RGS21: variants seen among roughly 807,000 people sequenced by gnomAD.
RGS21 encodes regulator of G protein signaling 21, also known as regulator of G-protein signalling 21.
In RGS21, 19 loss-of-function variants were observed where a neutral mutation model predicts 18.7. That is an observed-to-expected ratio of 1.01 (90% CI 0.71 to 1.49). The LOEUF (loss-of-function observed/expected upper bound fraction) is 1.49. Ranked by LOEUF, RGS21 falls within the 40% of genes most tolerant of loss-of-function variation. The pLI is 0.00. For synonymous variants in RGS21, 56 were observed against 57.8 expected, an observed-to-expected ratio of 0.97 and a Z score of 0.14; for missense variants, 194 against 176.8, an observed-to-expected ratio of 1.10 and a Z score of -0.55.
intron 1 of RGS21, among the ~76,000 whole-genome samples, chr1:192,317,344 G>T (rs536766321): frequency 6.6e-6 from 1 of 151,692 alleles, no homozygotes; most frequent in South Asian, 2.1e-4. Flanking sequence ...CTTCAAATTT[G>T]TAAAAAAGAT....
At chr1:192,331,553 A>ATAAG (rs1455383353) in intron 1 of RGS21, among the ~76,000 whole-genome samples, 1 of 145,048 alleles carries the variant, frequency 6.9e-6, no homozygotes, top group Non-Finnish European at 1.5e-5. Flanking sequence ...CTCTAAATAA[A>ATAAG]TAAATAAATA....
At chr1:192,319,589 A>G (rs61822890) in intron 1 of RGS21, among the ~76,000 whole-genome samples, 3,930 of 152,194 alleles carry the variant, frequency 0.026, 68 homozygotes, top group Middle Eastern at 0.071. Context: ...GACACTGGTT[A>G]ATTAAAAAAA....
At chr1:192,317,192 C>A (rs1250245620) in intron 1 of RGS21, 87 bp downstream of exon 1, 2 of 151,856 alleles carry the variant, frequency 1.3e-5, no homozygotes, top group African/African-American at 4.8e-5. Context: ...AAAATGCCAA[C>A]TATTAGATTC....
intron 1 of RGS21, among the ~76,000 whole-genome samples, chr1:192,336,005 T>C (rs1240431272): frequency 6.6e-6 from 1 of 152,234 alleles, no homozygotes; most frequent in Non-Finnish European, 1.5e-5. Context: ...AGTATATTTG[T>C]TGTAATAGCA....
In RGS21 at chr1:192,345,514, A is replaced by C. The variant is rs541183886; in HGVS notation, c.12-1799A>C. Among the ~76,000 whole-genome samples, 8 of 152,206 alleles carry C rather than the reference A, an allele frequency of 5.3e-5. 1 individual carries two copies. The South Asian group carries it at 8.3e-4, about 16-fold the overall frequency. On this transcript the variant is annotated intron_variant, in intron 2 of 4. Transcript: ENST00000417209. Reference sequence around the variant, plus strand: ...TTTGTTAATATGTTCAATATTTCATAGACCAGGCACACTGTTCTTGGTGCT... The same window carrying C: ...TTTGTTAATATGTTCAATATTTCATCGACCAGGCACACTGTTCTTGGTGCT...
In RGS21 at chr1:192,366,073, G is replaced by A. The variant is rs1282769381; in HGVS notation, c.408G>A (p.Leu136=). 6.2e-7 allele frequency: 1 copy of A among 1,611,620 alleles called. No homozygotes were observed. The highest frequency in any genetic ancestry group is 1.1e-5 in the South Asian group (1 of 90,768). Residue 136 remains leucine, a synonymous_variant, in exon 5 of 5, where the codon CTG becomes CTA. Coordinates refer to ENST00000417209, the MANE Select transcript of RGS21 (RefSeq NM_001039152.3). ...TGAAGTCAGAGATTTATAAAAAACT[G>A]GTAAATAGCCAACAGGTTCCAAATC... ...RFLKSEIYKK[L]VNSQQVPNHK... is the part of the protein sequence containing the mutation.
rs368568068 is a variant in RGS21, at chr1:192,332,211, AAAG to A, written c.-60-10763_-60-10761del. On this transcript the variant is annotated intron_variant, in intron 1 of 4. Coordinates refer to ENST00000417209, the MANE Select transcript of RGS21 (RefSeq NM_001039152.3). ...AGATAAATCAACTCAGTAAATGAAA[AAAG>A]AACCATGCAAAGGAACAGAATCAAA... Among the ~76,000 whole-genome samples the A allele has an allele frequency of 1.8e-4, 27 of 152,304 alleles. No homozygotes were observed. In the East Asian group the frequency reaches 2.5e-3, roughly 14 times the overall value.
At chr1:192,336,261 C>T (rs1171674573) in intron 1 of RGS21, among the ~76,000 whole-genome samples, 3 of 152,062 alleles carry the variant, frequency 2.0e-5, no homozygotes, top group South Asian at 2.1e-4. Context: ...TCGAGACCAG[C>T]CTAGCCAACA....
chr1:192,327,319 A>G (rs1658581903), intron 1 of RGS21, among the ~76,000 whole-genome samples: 1 of 152,126 alleles, frequency 6.6e-6, no homozygotes, highest in Non-Finnish European at 1.5e-5. Context: ...AAGAAGTGAC[A>G]ACAAAATATT....
intron 1 of RGS21, among the ~76,000 whole-genome samples, chr1:192,338,974 C>T (rs1038141615): frequency 6.6e-6 from 1 of 151,960 alleles, no homozygotes; most frequent in Non-Finnish European, 1.5e-5. Context: ...AGTTATGCAA[C>T]CCTAAGCAAG....
intron 1 of RGS21, among the ~76,000 whole-genome samples, chr1:192,326,540 A>T (rs76544216): frequency 1.3e-5 from 2 of 152,136 alleles, no homozygotes; most frequent in Non-Finnish European, 2.9e-5. Context: ...TGTTTGTCAT[A>T]TTGCTTAATC....
At chr1:192,322,646 C>T (rs1056983251) in intron 1 of RGS21, among the ~76,000 whole-genome samples, 5 of 152,070 alleles carry the variant, frequency 3.3e-5, no homozygotes, top group African/African-American at 1.2e-4. Context: ...ACGCCAGACA[C>T]TTCCAGCCAG....
At chr1:192,328,429 T>G (rs144420741) in intron 1 of RGS21, among the ~76,000 whole-genome samples, 158 of 152,306 alleles carry the variant, frequency 1.0e-3, no homozygotes, top group African/African-American at 3.6e-3. Flanking sequence ...ATTAATAATT[T>G]GTCTCTATGG....
At position 192,319,879 on chromosome 1, in the gene RGS21, C is replaced by T. The variant is rs76643290; in HGVS notation, c.-61+2774C>T. Among the ~76,000 whole-genome samples the T allele has an allele frequency of 5.8e-3, 875 of 152,160 alleles. 20 individuals carry two copies. The East Asian group carries it at 0.1, about 18-fold the overall frequency. Reference sequence around the variant, plus strand: ...ATTCTGATAAGATTATTCAACTCTCCATGCCTCTGTTTCTTCATCTAAAAA... The same window carrying T: ...ATTCTGATAAGATTATTCAACTCTCTATGCCTCTGTTTCTTCATCTAAAAA... On this transcript the variant is annotated intron_variant, in intron 1 of 4. Transcript: ENST00000417209.
intron 2 of RGS21, among the ~76,000 whole-genome samples, chr1:192,343,810 G>C (rs2102230367): frequency 6.6e-6 from 1 of 151,990 alleles, no homozygotes; most frequent in African/African-American, 2.4e-5. Context: ...ACACAGAAAT[G>C]AAAAGAGCCA....
intron 4 of RGS21, among the ~76,000 whole-genome samples, chr1:192,364,680 C>G (rs1358799268): frequency 6.6e-6 from 1 of 151,840 alleles, no homozygotes; most frequent in Non-Finnish European, 1.5e-5. Context: ...ACATTTTTAC[C>G]ATCTCCTGCA....
chr1:192,357,792 T>C (rs1422667843), intron 4 of RGS21, among the ~76,000 whole-genome samples: 7 of 152,062 alleles, frequency 4.6e-5, no homozygotes, highest in Non-Finnish European at 8.8e-5. Context: ...TTATTTCTCT[T>C]CTCATATTCT....
intron 2 of RGS21, among the ~76,000 whole-genome samples, chr1:192,343,862 G>T (rs1262785866): frequency 3.3e-5 from 5 of 151,980 alleles, no homozygotes; most frequent in Non-Finnish European, 5.9e-5. Flanking sequence ...AAGAAAAAAA[G>T]AAATGAGGGA....
chr1:192,340,142 T>C (rs1658837158), intron 1 of RGS21, among the ~76,000 whole-genome samples: 1 of 152,068 alleles, frequency 6.6e-6, no homozygotes, highest in African/African-American at 2.4e-5. Context: ...CTTGTACAAG[T>C]ATTTAAAAAT....
Sources: allele counts gnomAD v4.1 joint callset (sites outside exome capture counted in the v4.1 genomes callset), GRCh38; gene constraint gnomAD v4.1.1; transcripts MANE v1.5; gene names NCBI Gene and HGNC (gene_info 2026-07-23, HGNC 2026-07-21).